RNH1: variants seen among roughly 807,000 people sequenced by gnomAD.
RNH1 encodes the protein ribonuclease inhibitor.
A neutral mutation model predicts 46.1 loss-of-function variants in RNH1; 38 were observed. The ratio of observed to expected loss-of-function variants is 0.82; its 90% CI spans 0.64 to 1.08. RNH1 has a LOEUF of 1.08. Ranked by LOEUF, RNH1 falls within the 50% of genes least tolerant of loss-of-function variation. The pLI, the probability that RNH1 is intolerant of heterozygous loss-of-function variation, is 0.00. For synonymous variants in RNH1, 319 were observed against 279.1 expected (o/e 1.14, Z -1.43); for missense variants, 577 against 590.7 (o/e 0.98, Z 0.24).
chr11:494,745 C>T lies in RNH1; in HGVS notation c.1332G>A (p.Glu444=). ...LYDIYWSEEM[E]DRLQALEKDK... ...CCTTCTCCAGGGCCTGCAGCCGGTC[C>T]TCCATCTCCTCAGACCAGTAAATGT... The change falls in exon 11 of 11, where the codon GAG becomes GAA. Residue 444 remains glutamate (E), a synonymous_variant. Coordinates refer to ENST00000354420, the MANE Select transcript of RNH1 (RefSeq NM_203387.3). 6.2e-7 allele frequency: 1 copy of T among 1,614,016 alleles called. No individual in the cohort carries two copies. The highest frequency in any genetic ancestry group is 1.1e-5 in the South Asian group (1 of 91,088).
chr11:497,532 C>T (rs1242493398), intron 9 of RNH1, among the ~76,000 whole-genome samples: 3 of 146,108 alleles, frequency 2.1e-5, no homozygotes, highest in African/African-American at 2.6e-5. Context: ...TGCTCACACA[C>T]GGACCCTCGT....
intron 9 of RNH1, 47 bp downstream of exon 9, chr11:497,924 G>A: frequency 6.3e-7 from 1 of 1,580,728 alleles, no homozygotes; most frequent in Non-Finnish European, 8.6e-7. Context: ...GCACACACGG[G>A]CATATGATCT....
At chr11:503,894 T>C (rs1433958252) in intron 2 of RNH1, among the ~76,000 whole-genome samples, 1 of 152,220 alleles carries the variant, frequency 6.6e-6, no homozygotes, top group South Asian at 2.1e-4. Flanking sequence ...GGGTCACGGA[T>C]CCCACTGAGG....
rs2133907188 is a variant in RNH1, at chr11:501,008, AT to A, written c.102-355del. Reference sequence around the variant, plus strand: ...CCGGGCGTGGTGGCGCATGCCCATAATCCCAGCTACTCGGGAGGCTGAGGCA... The same window carrying A: ...CCGGGCGTGGTGGCGCATGCCCATAACCCAGCTACTCGGGAGGCTGAGGCA... On this transcript the variant is annotated intron_variant, in intron 3 of 10. Transcript: ENST00000354420. This position sits in a 1 kb window ranked among gnomAD's most constrained non-coding sequence, Gnocchi z 4.1. 5.3e-6 allele frequency: 2 copies of A among 375,886 alleles called. No homozygotes were observed. Among genetic ancestry groups the A allele is most frequent in the Non-Finnish European group, 1.0e-5 (2 of 193,796 alleles). The allele number at this position is 375,886 out of a possible 1,614,324, so 23.3% of individuals were successfully genotyped here.
chr11:503,692 C>A (rs1001409812), intron 2 of RNH1: 2 of 152,280 alleles, frequency 1.3e-5, no homozygotes, highest in Non-Finnish European at 2.9e-5. Context: ...CAGCCTGACA[C>A]TCCTGTGTCC....
At chr11:496,257 G>A (rs748329180) in intron 9 of RNH1, among the ~76,000 whole-genome samples, 7 of 152,204 alleles carry the variant, frequency 4.6e-5, no homozygotes, top group Non-Finnish European at 1.0e-4. Flanking sequence ...TGCACACAAG[G>A]TCACAGTGGC....
At chr11:496,562 G>A (rs1014415344) in intron 9 of RNH1, among the ~76,000 whole-genome samples, 3 of 152,186 alleles carry the variant, frequency 2.0e-5, no homozygotes, top group Non-Finnish European at 2.9e-5. Flanking sequence ...CCAGCTACTC[G>A]GGAGGTTGAG....
intron 9 of RNH1, among the ~76,000 whole-genome samples, chr11:497,040 CCTCA>C (rs1040021135): frequency 7.2e-5 from 11 of 152,338 alleles, no homozygotes; most frequent in Non-Finnish European, 1.2e-4. Context: ...GAACATGCAC[CCTCA>C]CTCTCGCCCA....
Position 505,005 on chromosome 11 carries a change from G to A in RNH1, c.-260-9C>T, listed in dbSNP as rs1055671416. The A allele has an allele frequency of 3.9e-5, 6 of 152,118 alleles. No individual in the cohort carries two copies. The highest frequency in any genetic ancestry group is 1.2e-4 in the African/African-American group (5 of 41,410). 9.4% of individuals were successfully genotyped at this position (152,118 alleles called of 1,614,324 possible). ...TCAAGAGTTCTTCATGCCTGAGCTC[G>A]GGAAGCATGTTCAAAATCTTTTTTT... On this transcript the variant is annotated splice_polypyrimidine_tract_variant and intron_variant, in intron 1 of 10. Transcript: ENST00000354420.
chr11:501,777 G>A lies in RNH1; in HGVS notation c.101+285C>T. On this transcript the variant is annotated intron_variant, in intron 3 of 10. Transcript: ENST00000354420. The surrounding 1 kb of genome is among the most constrained non-coding windows in gnomAD (Gnocchi z 4.1). ...GTGTCCTGCCCTCGTGTCTCCAAGG[G>A]AGGGAGAGGAGCTGAGACACCGGAG... The A allele has an allele frequency of 8.3e-6, 4 of 482,964 alleles. No individual in the cohort carries two copies. The South Asian group carries it at 9.8e-5, about 12-fold the overall frequency. The allele number at this position is 482,964 out of a possible 1,614,324, so 29.9% of individuals were successfully genotyped here.
Position 498,917 on chromosome 11 carries a change from C to T in RNH1, c.631G>A (p.Val211Met), listed in dbSNP as rs892023391. 6.2e-7 allele frequency: 1 copy of T among 1,612,554 alleles called. No homozygotes were observed. ...LEALKLESCG[V>M]TSDNCRDLCG... Reference sequence around the variant, plus strand: ...AGGTCCCGGCAGTTGTCTGATGTCACACCGCAGCTCTCCAGCCTGGGGACA... The same window carrying T: ...AGGTCCCGGCAGTTGTCTGATGTCATACCGCAGCTCTCCAGCCTGGGGACA... Residue 211 changes from valine (V) to methionine (M), a missense_variant, in exon 7 of 11, where the codon GTG (valine) becomes ATG (methionine). Val to Met is a conservative substitution (Grantham distance 21, BLOSUM62 1). Coordinates refer to ENST00000354420, the MANE Select transcript of RNH1 (RefSeq NM_203387.3).
chr11:498,744 C>G lies in RNH1; in HGVS notation c.785+19G>C. 1 of 1,591,136 alleles carries G rather than the reference C, an allele frequency of 6.3e-7. No homozygotes were observed. Among genetic ancestry groups the G allele is most frequent in the Non-Finnish European group, 8.5e-7 (1 of 1,171,602 alleles). ...GCCGCCCGACCCTCCGGGAAGGAGG[C>G]CTCGCGGAGATGACTCACCACAGGG... On this transcript the variant is annotated intron_variant, in intron 7 of 10. Transcript: ENST00000354420.
intron 4 of RNH1, chr11:500,225 T>G: frequency 1.5e-6 from 1 of 657,252 alleles, no homozygotes; most frequent in Non-Finnish European, 2.6e-6. Flanking sequence ...TCAGTGGGGG[T>G]CTGTGGTGAT....
chr11:506,143 CCAGTGT>C (rs1850251586), intron 1 of RNH1: 1 of 152,210 alleles, frequency 6.6e-6, no homozygotes, highest in African/African-American at 2.4e-5. Flanking sequence ...ACTGCCCGGC[CCAGTGT>C]AACTGTTAAC....
Position 494,644 on chromosome 11 carries a change from G to A in RNH1, c.*47C>T. On this transcript the variant is annotated 3_prime_UTR_variant, in exon 11 of 11. Coordinates refer to ENST00000354420, the MANE Select transcript of RNH1 (RefSeq NM_203387.3). ...ATGGCAGGGGCTGGTGGGCCCCAGG[G>A]TTGCCTCGAGGCCGGTCGTCCAGGG... The A allele has an allele frequency of 6.4e-7, 1 of 1,571,842 alleles. No individual in the cohort carries two copies. The highest frequency in any genetic ancestry group is 8.7e-7 in the Non-Finnish European group (1 of 1,143,500).
At chr11:497,790 CACGG>C (rs771598134) in intron 9 of RNH1, among the ~76,000 whole-genome samples, 177 bp downstream of exon 9, 20 of 151,992 alleles carry the variant, frequency 1.3e-4, no homozygotes, top group Non-Finnish European at 2.5e-4. Context: ...CTCACATGCT[CACGG>C]ACACCCATGC....
intron 10 of RNH1, 44 bp from the exon 11 acceptor site, chr11:494,822 C>G (rs367893584): frequency 6.1e-5 from 98 of 1,612,246 alleles, no homozygotes; most frequent in African/African-American, 1.1e-4. Flanking sequence ...TGTCCTCCCC[C>G]ACCCCCGCCT....
At position 498,882 on chromosome 11, in the gene RNH1, A is replaced by G. The variant is rs1420988841; in HGVS notation, c.666T>C (p.Ile222=). Residue 222 remains isoleucine, a synonymous_variant, in exon 7 of 11, where the codon ATT becomes ATC. Transcript: ENST00000354420. ...TSDNCRDLCG[I]VASKASLREL... ...CCCGCAGCGAGGCCTTGGAGGCCAC[A>G]ATGCCGCACAGGTCCCGGCAGTTGT... is the stretch of plus-strand genomic sequence containing the variant. The G allele has an allele frequency of 5.0e-6, 8 of 1,612,450 alleles. No homozygotes were observed. The highest frequency in any genetic ancestry group is 2.2e-5 in the East Asian group (1 of 44,886).
chr11:495,712 C>A (rs1258944255), intron 9 of RNH1, among the ~76,000 whole-genome samples: 1 of 152,164 alleles, frequency 6.6e-6, no homozygotes, highest in Non-Finnish European at 1.5e-5. Flanking sequence ...TCTGGAACAC[C>A]CACAAGGTCC....
Sources: gnomAD v4.1 joint callset for allele counts (sites outside exome capture counted in the v4.1 genomes callset) on GRCh38, gnomAD v4.1.1 for gene constraint, Gnocchi (gnomAD v3.1) non-coding constraint, MANE v1.5 for transcripts, NCBI Gene and HGNC (gene_info 2026-07-23, HGNC 2026-07-21) for gene names.